PCDHA5: variants seen among roughly 807,000 people sequenced by gnomAD.
The protein encoded by PCDHA5 is protocadherin alpha 5, also known as protocadherin alpha-5.
Under a neutral mutation model 61.6 loss-of-function variants are expected in PCDHA5, and 43 were observed. The observed-to-expected ratio is 0.70, with a 90% CI of 0.55 to 0.90. The LOEUF is 0.90. Among genes scored for constraint, PCDHA5 ranks in the 40% least tolerant of loss-of-function variants. The probability of loss-of-function intolerance (pLI) is 0.00; values close to 1 mark genes in which losing one functional copy is unlikely to be tolerated. For synonymous variants in PCDHA5, 627 were observed against 543.9 expected, an observed-to-expected ratio of 1.15 and a Z score of -2.13; for missense variants, 1,298 against 1,222.7, an observed-to-expected ratio of 1.06 and a Z score of -0.92.
intron 1 of PCDHA5, chr5:140,871,048 C>T (rs1472650820): frequency 6.2e-7 from 1 of 1,613,348 alleles, no homozygotes; most frequent in Non-Finnish European, 8.5e-7. Context: ...ACTTCTAGTA[C>T]TGGTGAAGGA....
At position 140,972,813 on chromosome 5, in the gene PCDHA5, G is replaced by A. The variant is rs559474622; in HGVS notation, c.2353-6136G>A. Reference sequence around the variant, plus strand: ...TGAGTAGCTGAGATTACAGGCACGCGCCACCACGCCTGGCTAATTTTTGTA... The same window carrying A: ...TGAGTAGCTGAGATTACAGGCACGCACCACCACGCCTGGCTAATTTTTGTA... On this transcript the variant is annotated intron_variant, in intron 1 of 3. Transcript: ENST00000529859. Among the ~76,000 whole-genome samples, 11 of 151,984 alleles carry A rather than the reference G, an allele frequency of 7.2e-5. No individual in the cohort carries two copies. In the East Asian group the frequency reaches 1.2e-3, roughly 16 times the overall value.
intron 1 of PCDHA5, among the ~76,000 whole-genome samples, chr5:140,953,068 C>A (rs1243228817): frequency 6.6e-6 from 1 of 152,198 alleles, no homozygotes; most frequent in East Asian, 1.9e-4. Context: ...CAGGCCCCAT[C>A]TCCAACATTG....
At chr5:140,863,774 G>A (rs1581698877) in intron 1 of PCDHA5, 2 of 239,304 alleles carry the variant, frequency 8.4e-6, no homozygotes, top group African/African-American at 2.2e-5. Context: ...CGAGGCGGGC[G>A]GATCACTCGA....
chr5:140,825,268 G>A (rs1348823121), intron 1 of PCDHA5: 1 of 149,918 alleles, frequency 6.7e-6, no homozygotes, highest in Non-Finnish European at 1.5e-5. Context: ...GTATGTGATT[G>A]GTTATTTTTC....
intron 3 of PCDHA5, among the ~76,000 whole-genome samples, chr5:141,002,620 A>G (rs553505520): frequency 6.8e-4 from 104 of 152,336 alleles, no homozygotes; most frequent in African/African-American, 2.4e-3. Flanking sequence ...CACATAACAC[A>G]GACAGAGATA....
chr5:140,838,085 T>A (rs1166468292), intron 1 of PCDHA5, among the ~76,000 whole-genome samples: 6 of 64,192 alleles, frequency 9.3e-5, no homozygotes, highest in Non-Finnish European at 1.9e-4. Context: ...ATAGTGTGTG[T>A]GTGTGTGTGT....
At chr5:140,893,612 T>C (rs1455928353) in intron 1 of PCDHA5, among the ~76,000 whole-genome samples, 1 of 152,240 alleles carries the variant, frequency 6.6e-6, no homozygotes, top group Non-Finnish European at 1.5e-5. Flanking sequence ...CCTTCATTTC[T>C]GAAGTATAGC....
At chr5:140,987,690 T>C (rs4912736) in intron 3 of PCDHA5, among the ~76,000 whole-genome samples, 37,365 of 152,116 alleles carry the variant, frequency 0.25, 5,761 homozygotes, top group East Asian at 0.43. Context: ...AGTAGCTATT[T>C]TTAAATGATT....
intron 1 of PCDHA5, chr5:140,928,140 G>C (rs200493520): frequency 2.5e-5 from 41 of 1,614,036 alleles, no homozygotes; most frequent in Non-Finnish European, 3.2e-5. Context: ...TCCTGATCAC[G>C]GCCTCAGATA....
intron 1 of PCDHA5, chr5:140,841,363 A>G (rs1777178897): frequency 2.5e-6 from 4 of 1,613,472 alleles, no homozygotes; most frequent in African/African-American, 1.3e-5. Context: ...CCTGGCGACT[A>G]CTACTCTTGC....
intron 2 of PCDHA5, among the ~76,000 whole-genome samples, chr5:140,981,839 A>T (rs950232298): frequency 6.6e-6 from 1 of 152,116 alleles, no homozygotes; most frequent in Non-Finnish European, 1.5e-5. Flanking sequence ...AAGGTCTCCC[A>T]GTTTGTATCT....
intron 1 of PCDHA5, among the ~76,000 whole-genome samples, chr5:140,890,900 A>G (rs1554184581): frequency 6.6e-6 from 1 of 151,984 alleles, no homozygotes; most frequent in Admixed American, 6.6e-5. Flanking sequence ...TTGTCTTTCC[A>G]TGTTAGAATA....
intron 1 of PCDHA5, chr5:140,851,050 G>T: frequency 7.2e-7 from 1 of 1,384,398 alleles, no homozygotes; most frequent in African/African-American, 1.5e-5. Context: ...AGCCGACTTT[G>T]TCTTGACTTC....
At position 140,825,344 on chromosome 5, in the gene PCDHA5, A is replaced by G. The variant is rs1426707045; in HGVS notation, c.2352+1217A>G. ...TGGAAATTTGCATATTTTTCAATATATCTAATATATATTAGATATATAAAT... is the reference window on the plus strand; with the variant it reads ...TGGAAATTTGCATATTTTTCAATATGTCTAATATATATTAGATATATAAAT... On this transcript the variant is annotated intron_variant, in intron 1 of 3. Transcript: ENST00000529859. 2.0e-5 allele frequency: 3 copies of G among 147,914 alleles called. No individual in the cohort carries two copies. In the East Asian group the frequency reaches 5.8e-4, roughly 29 times the overall value. The allele number at this position is 147,914 out of a possible 1,614,324, so 9.2% of individuals were successfully genotyped here.
intron 3 of PCDHA5, among the ~76,000 whole-genome samples, chr5:141,004,400 G>A (rs183932833): frequency 7.4e-4 from 113 of 152,304 alleles, no homozygotes; most frequent in African/African-American, 2.7e-3. Flanking sequence ...TGTGGAGGAG[G>A]CACCTGACTA....
chr5:140,850,076 G>A lies in PCDHA5; in HGVS notation c.2352+25949G>A. Reference sequence around the variant, plus strand: ...CGCTGCAGCCGTTGGACCACGAGGAGCTGGAGCTGCTACAGTTCCAGGTGA... The same window carrying A: ...CGCTGCAGCCGTTGGACCACGAGGAACTGGAGCTGCTACAGTTCCAGGTGA... On this transcript the variant is annotated intron_variant, in intron 1 of 3. Transcript: ENST00000529859. 6 of 1,596,552 alleles carry A rather than the reference G, an allele frequency of 3.8e-6. 1 individual carries two copies. Among genetic ancestry groups the A allele is most frequent in the Non-Finnish European group, 5.1e-6 (6 of 1,167,850 alleles).
chr5:140,868,379 T>C (rs1554161939), intron 1 of PCDHA5: 1 of 152,086 alleles, frequency 6.6e-6, no homozygotes, highest in Non-Finnish European at 1.5e-5. Context: ...CAGTAAAGAA[T>C]GAGAACTATA....
At chr5:140,859,400 G>T in intron 1 of PCDHA5, 1 of 258,574 alleles carries the variant, frequency 3.9e-6, no homozygotes, top group South Asian at 8.7e-5. Context: ...CTTAAACAGG[G>T]TTGGGTTAGA....
At chr5:140,967,591 G>A (rs1554229706) in intron 1 of PCDHA5, 1 of 1,614,154 alleles carries the variant, frequency 6.2e-7, no homozygotes, top group East Asian at 2.2e-5. Flanking sequence ...CAGGCACATT[G>A]GTGGTGAAGC....
Sources: allele counts gnomAD v4.1 joint callset (sites outside exome capture counted in the v4.1 genomes callset), GRCh38; gene constraint gnomAD v4.1.1; transcripts MANE v1.5; gene names NCBI Gene and HGNC (gene_info 2026-07-23, HGNC 2026-07-21).